Variants in RORA observed in about 807,000 individuals in gnomAD.
RORA encodes the protein RAR related orphan receptor A, also known as nuclear receptor ROR-alpha.
A neutral mutation model predicts 69.5 loss-of-function variants in RORA; 7 were observed. That is an observed-to-expected ratio of 0.10 (90% CI 0.06 to 0.19). The LOEUF is 0.19. Ranked by LOEUF, RORA falls within the 10% of genes least tolerant of loss-of-function variation. The pLI is 1.00. For missense variants in RORA, 457 were observed against 663.0 expected, an observed-to-expected ratio of 0.69 and a Z score of 3.41; for synonymous variants, 261 against 240.8, an observed-to-expected ratio of 1.08 and a Z score of -0.78.
intron 2 of RORA, among the ~76,000 whole-genome samples, chr15:60,547,022 T>C (rs1161257453): frequency 1.3e-5 from 2 of 152,188 alleles, no homozygotes; most frequent in African/African-American, 4.8e-5. Flanking sequence ...AGTGGGGTAA[T>C]GTGGATAACT....
chr15:61,046,823 A>C (rs1341294933), intron 1 of RORA, among the ~76,000 whole-genome samples: 2 of 152,174 alleles, frequency 1.3e-5, no homozygotes, highest in Non-Finnish European at 2.9e-5. Flanking sequence ...GTCAACCTGA[A>C]GTAAGGTTCT....
intron 1 of RORA, chr15:61,176,198 C>G: frequency 6.6e-6 from 1 of 152,214 alleles, no homozygotes; most frequent in Non-Finnish European, 1.5e-5. Context: ...ACACCACAGT[C>G]AAGAGGTTGC....
At chr15:60,995,907 G>T (rs1046435093) in intron 1 of RORA, among the ~76,000 whole-genome samples, 1 of 152,156 alleles carries the variant, frequency 6.6e-6, no homozygotes, top group Non-Finnish European at 1.5e-5. Flanking sequence ...TCGTTTTCTT[G>T]CAGGTAGCTG....
chr15:60,824,477 A>G (rs1725659308), intron 1 of RORA, among the ~76,000 whole-genome samples: 2 of 151,924 alleles, frequency 1.3e-5, no homozygotes, highest in Admixed American at 6.6e-5. Flanking sequence ...AAGTGCCAGG[A>G]ACTGGGGTGT....
intron 1 of RORA, among the ~76,000 whole-genome samples, chr15:61,019,945 A>C (rs1043654104): frequency 6.6e-6 from 1 of 151,780 alleles, no homozygotes; most frequent in Admixed American, 6.6e-5. Flanking sequence ...CCGTCCTCTG[A>C]CCTCCGCTCT....
intron 1 of RORA, chr15:60,706,493 T>C (rs2140801289): frequency 6.6e-6 from 1 of 152,380 alleles, no homozygotes; most frequent in Middle Eastern, 3.4e-3. Flanking sequence ...TTGAATAATC[T>C]GTTTTGGTAG....
chr15:60,899,164 C>T (rs1315824125), intron 1 of RORA, among the ~76,000 whole-genome samples: 1 of 152,232 alleles, frequency 6.6e-6, no homozygotes, highest in Non-Finnish European at 1.5e-5. Context: ...ATGTTTTACA[C>T]ATGTCATTTT....
At position 60,497,612 on chromosome 15, in the gene RORA, C is replaced by T; in HGVS notation, c.1415G>A (p.Cys472Tyr). Residue 472 changes from cysteine to tyrosine, a missense_variant, in exon 11 of 11, where the codon TGC (cysteine) becomes TAC (tyrosine). Around this residue, in one of 3 missense-constraint regions of RORA, gnomAD observed 304 missense variants for 447.4 expected, o/e 0.68. Transcript: ENST00000335670. Reference protein sequence around the residue: ...REDGILTKLICKVSTLRALCG... With the variant: ...REDGILTKLIYKVSTLRALCG... ...TAAGGCTCTTAAGGTAGACACCTTG[C>T]ATATTAACTGTAAGTGAAAGAAAGG... is the stretch of plus-strand genomic sequence containing the variant. 2 of 1,610,310 alleles carry T rather than the reference C, an allele frequency of 1.2e-6. No homozygotes were observed. The highest frequency in any genetic ancestry group is 1.7e-6 in the Non-Finnish European group (2 of 1,176,600).
intron 2 of RORA, among the ~76,000 whole-genome samples, chr15:60,617,755 A>T (rs1237801822): frequency 6.6e-6 from 1 of 151,240 alleles, no homozygotes; most frequent in East Asian, 1.9e-4. Context: ...TTCATTAAGA[A>T]CTTCAAACCT....
chr15:60,880,935 C>A (rs1378791249), intron 1 of RORA, among the ~76,000 whole-genome samples: 3 of 152,174 alleles, frequency 2.0e-5, no homozygotes, highest in Non-Finnish European at 4.4e-5. Context: ...CAAAACAAAT[C>A]TTGCCACCTG....
chr15:61,059,843 T>A (rs556235798), intron 1 of RORA, among the ~76,000 whole-genome samples: 3 of 151,480 alleles, frequency 2.0e-5, no homozygotes, highest in Non-Finnish European at 4.4e-5. Context: ...CTTTCAATAA[T>A]AAAATAATTC....
At chr15:60,987,323 A>T (rs1023405222) in intron 1 of RORA, among the ~76,000 whole-genome samples, 1 of 151,948 alleles carries the variant, frequency 6.6e-6, no homozygotes, top group Non-Finnish European at 1.5e-5. Flanking sequence ...TCCAAGACAG[A>T]CTCCAGATTA....
intron 1 of RORA, among the ~76,000 whole-genome samples, chr15:60,901,648 A>G (rs959930525): frequency 7.4e-6 from 1 of 135,120 alleles, no homozygotes; most frequent in Non-Finnish European, 1.6e-5. Context: ...AATGAGTCCC[A>G]TTCACTGTTA....
chr15:61,057,083 G>T (rs1243170327), intron 1 of RORA, among the ~76,000 whole-genome samples: 1 of 152,186 alleles, frequency 6.6e-6, no homozygotes, highest in Non-Finnish European at 1.5e-5. Context: ...CCTCAAAGGC[G>T]CCTGCCTTCA....
At chr15:60,783,112 T>A (rs1595711574) in intron 1 of RORA, among the ~76,000 whole-genome samples, 2 of 152,126 alleles carry the variant, frequency 1.3e-5, no homozygotes, top group African/African-American at 4.8e-5. Context: ...GGGGATGGCT[T>A]AGCAAATTCT....
At position 61,226,887 on chromosome 15, in the gene RORA, TG is replaced by T. The variant is rs1401509778; in HGVS notation, c.166+2165del. ...AATGAGTTGGGGTGGGGGCAGAGGGTGGGGGGAAGGGGATATGGGTCAGCAG... is the reference window on the plus strand; with the variant it reads ...AATGAGTTGGGGTGGGGGCAGAGGGTGGGGGAAGGGGATATGGGTCAGCAG... On this transcript the variant is annotated intron_variant, in intron 1 of 10. Coordinates refer to ENST00000335670, the MANE Select transcript of RORA (RefSeq NM_134261.3). The surrounding 1 kb of genome is among the most constrained non-coding windows in gnomAD (Gnocchi z 4.2). Among the ~76,000 whole-genome samples the T allele has an allele frequency of 9.0e-6, 1 of 111,090 alleles. No individual in the cohort carries two copies. Among genetic ancestry groups the T allele is most frequent in the Non-Finnish European group, 1.9e-5 (1 of 53,140 alleles). The allele number at this position is 111,090 out of a possible 152,430, so 72.9% of individuals were successfully genotyped here. A position where few individuals can be genotyped will look rare whatever the true frequency, so the allele number is the denominator to read the frequency against.
chr15:60,893,088 G>A (rs766143117), intron 1 of RORA, among the ~76,000 whole-genome samples: 7 of 152,176 alleles, frequency 4.6e-5, no homozygotes, highest in Non-Finnish European at 1.0e-4. Flanking sequence ...CAGCAAAGCA[G>A]GCTGAAGAGA....
chr15:60,874,829 T>A (rs1216213370), intron 1 of RORA, among the ~76,000 whole-genome samples: 1 of 152,226 alleles, frequency 6.6e-6, no homozygotes, highest in Non-Finnish European at 1.5e-5. Flanking sequence ...TTCTGCTTTT[T>A]CACTAACTAT....
At chr15:60,896,547 A>G (rs1434150255) in intron 1 of RORA, among the ~76,000 whole-genome samples, 1 of 152,208 alleles carries the variant, frequency 6.6e-6, no homozygotes, top group Non-Finnish European at 1.5e-5. Context: ...CATGTGTGAC[A>G]TGAGTGAGTA....
Sources: gnomAD v4.1 joint callset for allele counts (sites outside exome capture counted in the v4.1 genomes callset) on GRCh38, gnomAD v4.1.1 for gene constraint, gnomAD v4.1.1 regional missense constraint, Gnocchi (gnomAD v3.1) non-coding constraint, MANE v1.5 for transcripts, NCBI Gene and HGNC (gene_info 2026-07-23, HGNC 2026-07-21) for gene names.